RPL29: variants seen among roughly 807,000 people sequenced by gnomAD.
RPL29 encodes ribosomal protein L29, also known as large ribosomal subunit protein eL29.
Under a neutral mutation model 7.2 loss-of-function variants are expected in RPL29, and 4 were observed. The ratio of observed to expected loss-of-function variants is 0.55; its 90% confidence interval spans 0.27 to 1.26. The LOEUF is 1.26. Among genes scored for constraint, RPL29 ranks in the 50% most tolerant of loss-of-function variants. The pLI is 0.11. For missense variants in RPL29, 148 were observed against 209.1 expected, an observed-to-expected ratio of 0.71 and a Z score of 1.80; for synonymous variants, 73 against 72.8, an observed-to-expected ratio of 1.00 and a Z score of -0.01.
intron 3 of RPL29, chr3:51,994,740 C>T (rs1283272635): frequency 2.9e-6 from 2 of 685,624 alleles, no homozygotes; most frequent in Non-Finnish European, 2.7e-6. Context: ...TGGGAATGTG[C>T]CCTGCACGCA....
chr3:51,995,223 G>A (rs990329114), intron 2 of RPL29, 117 bp from the exon 3 acceptor site: 3 of 1,027,862 alleles, frequency 2.9e-6, no homozygotes, highest in East Asian at 2.4e-5. Context: ...CTACACTTGA[G>A]ATATGGGAAA....
At chr3:51,995,678 T>C in intron 1 of RPL29, 179 bp downstream of exon 1, 2 of 590,370 alleles carry the variant, frequency 3.4e-6, no homozygotes, top group African/African-American at 1.9e-5. Flanking sequence ...GAAAGCTGCA[T>C]TCCCCAATAA....
At chr3:51,995,597 G>T in intron 1 of RPL29, 128 bp from the exon 2 acceptor site, 1 of 883,406 alleles carries the variant, frequency 1.1e-6, no homozygotes, top group Non-Finnish European at 1.8e-6. Context: ...GGCTTACTCT[G>T]CACGACCAAA....
At chr3:51,994,451 C>T (rs1016276913) in intron 3 of RPL29, 4 of 359,168 alleles carry the variant, frequency 1.1e-5, no homozygotes, top group African/African-American at 2.2e-5. Flanking sequence ...TCAGGGACAC[C>T]CCCTCCCCTC....
intron 2 of RPL29, 108 bp from the exon 3 acceptor site, chr3:51,995,214 T>C: frequency 9.4e-7 from 1 of 1,064,734 alleles, no homozygotes; most frequent in East Asian, 2.4e-5. Flanking sequence ...CTACAGCAGC[T>C]ACACTTGAGA....
intron 2 of RPL29, 78 bp from the exon 3 acceptor site, chr3:51,995,184 T>C: frequency 7.6e-7 from 1 of 1,319,234 alleles, no homozygotes; most frequent in African/African-American, 1.5e-5. Context: ...AGCTGGCAAG[T>C]CTGGGAGAAC....
chr3:51,994,084 G>C lies in RPL29; in HGVS notation c.145C>G (p.His49Asp), dbSNP rs1701286117. 2 of 1,603,114 alleles carry C rather than the reference G, an allele frequency of 1.2e-6. No homozygotes were observed. The highest frequency in any genetic ancestry group is 2.7e-5 in the African/African-American group (2 of 74,644). ...FLRNMRFAKK[H>D]NKKGLKKMQA... ...ATCTTCTTTAGGCCCTTTTTGTTGT[G>C]CTTCTTGGCAAAGCGCATGTTCCTC... The change falls in exon 4 of 4, where the codon CAC becomes GAC. Residue 49 changes from histidine (H) to aspartate (D), a missense_variant. Coordinates refer to ENST00000294189, the MANE Select transcript of RPL29 (RefSeq NM_000992.3).
Position 51,994,111 on chromosome 3 carries a change from G to A in RPL29, c.118C>T (p.Leu40=). Residue 40 remains leucine, a synonymous_variant, in exon 4 of 4, where the codon CTG becomes TTG. Coordinates refer to ENST00000294189, the MANE Select transcript of RPL29 (RefSeq NM_000992.3). The part of the protein sequence containing the change: ...ESLKGVDPKF[L]RNMRFAKKHN... ...TTCTTGGCAAAGCGCATGTTCCTCA[G>A]GAACTTGGGGTCCACCTGAAAAGCA... is the stretch of plus-strand genomic sequence containing the variant. 6.3e-7 allele frequency: 1 copy of A among 1,596,842 alleles called. No individual in the cohort carries two copies. The highest frequency in any genetic ancestry group is 8.5e-7 in the Non-Finnish European group (1 of 1,171,240).
chr3:51,994,499 CAA>C (rs944470157), intron 3 of RPL29: 2 of 332,094 alleles, frequency 6.0e-6, no homozygotes, highest in Admixed American at 9.1e-5. Context: ...AAGTCTGGTC[CAA>C]AAGACTTATA....
chr3:51,995,533 C>A (rs766509221), intron 1 of RPL29, 64 bp from the exon 2 acceptor site: 85 of 1,501,020 alleles, frequency 5.7e-5, no homozygotes, highest in African/African-American at 1.4e-4. Context: ...CTGCCCCCCC[C>A]ATTCTGGTCA....
intron 1 of RPL29, 94 bp from the exon 2 acceptor site, chr3:51,995,563 G>A: frequency 8.2e-7 from 1 of 1,222,394 alleles, no homozygotes; most frequent in Non-Finnish European, 1.2e-6. Flanking sequence ...TGCAGGCAGA[G>A]AATGTGCAGC....
chr3:51,993,920 C>T lies in RPL29; in HGVS notation c.309G>A (p.Lys103=). The T allele has an allele frequency of 6.3e-7, 1 of 1,596,538 alleles. No homozygotes were observed. Among genetic ancestry groups the T allele is most frequent in the Non-Finnish European group, 8.5e-7 (1 of 1,179,792 alleles). The change falls in exon 4 of 4, where the codon AAG becomes AAA. Residue 103 remains lysine, a synonymous_variant. Coordinates refer to ENST00000294189, the MANE Select transcript of RPL29 (RefSeq NM_000992.3). ...TACGGGCACGAGCACGCTTCCCAAGCTTGGGGTGGGCAATGTAGGCAAGTC... is the reference window on the plus strand; with the variant it reads ...TACGGGCACGAGCACGCTTCCCAAGTTTGGGGTGGGCAATGTAGGCAAGTC... The part of the protein sequence containing the change: ...LDRLAYIAHP[K]LGKRARARIA...
intron 3 of RPL29, chr3:51,994,389 G>T: frequency 2.2e-6 from 1 of 454,244 alleles, no homozygotes; most frequent in Admixed American, 3.9e-5. Context: ...AAGGTTGTGG[G>T]GCTTCAACTT....
chr3:51,993,548 A>G lies in RPL29; in HGVS notation c.*201T>C, dbSNP rs990021657. On this transcript the variant is annotated 3_prime_UTR_variant, in exon 4 of 4. Coordinates refer to ENST00000294189, the MANE Select transcript of RPL29 (RefSeq NM_000992.3). ...TCCTGACTCCCACCCACACCCCACC[A>G]TCCAGACCCATGTCTTCTCCCACAC... is the stretch of plus-strand genomic sequence containing the variant. 1.7e-5 allele frequency: 10 copies of G among 590,448 alleles called. No homozygotes were observed. The highest frequency in any genetic ancestry group is 2.7e-5 in the Non-Finnish European group (9 of 338,290). 36.6% of individuals were successfully genotyped at this position (590,448 alleles called of 1,614,324 possible).
chr3:51,994,265 CTATT>C, intron 3 of RPL29, 139 bp from the exon 4 acceptor site: 1 of 1,158,004 alleles, frequency 8.6e-7, no homozygotes, highest in South Asian at 1.7e-5. Flanking sequence ...CCTCTTGAAA[CTATT>C]TCCAGAGAAA....
rs761936768 is a variant in RPL29 at position 51,993,764 on chromosome 3, T to G, written c.465A>C (p.Thr155=). ...AQAPKRTQAP[T]KASE ...GCAGAGATATCTACTCTGAAGCCTT[T>G]GTAGGGGCCTGGGTACGTTTGGGAG... The change falls in exon 4 of 4, where the codon ACA becomes ACC. Residue 155 remains threonine (T), a synonymous_variant. Coordinates refer to ENST00000294189, the MANE Select transcript of RPL29 (RefSeq NM_000992.3). 6.3e-7 allele frequency: 1 copy of G among 1,593,252 alleles called. No individual in the cohort carries two copies. Among genetic ancestry groups the G allele is most frequent in the African/African-American group, 1.3e-5 (1 of 74,852 alleles).
rs2106852180 is a variant in RPL29, at chr3:51,993,637, A to G, written c.*112T>C. The G allele has an allele frequency of 8.9e-7, 1 of 1,126,722 alleles. No individual in the cohort carries two copies. Among genetic ancestry groups the G allele is most frequent in the Non-Finnish European group, 1.3e-6 (1 of 794,804 alleles). The allele number at this position is 1,126,722 out of a possible 1,614,324, so 69.8% of individuals were successfully genotyped here. On this transcript the variant is annotated 3_prime_UTR_variant, in exon 4 of 4. Coordinates refer to ENST00000294189, the MANE Select transcript of RPL29 (RefSeq NM_000992.3). The stretch of plus-strand genomic sequence containing the variant: ...GACAGAGGCTAACAAATCCTGCCTC[A>G]GGTTTATTTGTACAAATAGCACAGG...
At chr3:51,994,833 C>T (rs959106354) in intron 3 of RPL29, 1 of 714,910 alleles carries the variant, frequency 1.4e-6, no homozygotes, top group East Asian at 2.7e-5. Flanking sequence ...CAGGTTACAC[C>T]CTGACCAGAG....
chr3:51,994,135 C>G lies in RPL29; in HGVS notation c.103-9G>C. The G allele has an allele frequency of 6.3e-7, 1 of 1,587,584 alleles. No individual in the cohort carries two copies. Among genetic ancestry groups the G allele is most frequent in the Non-Finnish European group, 8.6e-7 (1 of 1,166,354 alleles). ...AGGAACTTGGGGTCCACCTGAAAAG[C>G]AGGAAAGGTACAGGTGGCAGCATGT... On this transcript the variant is annotated splice_polypyrimidine_tract_variant and intron_variant, in intron 3 of 3. Transcript: ENST00000294189.
Sources: allele counts gnomAD v4.1 joint callset, GRCh38; gene constraint gnomAD v4.1.1; transcripts MANE v1.5; gene names NCBI Gene and HGNC (gene_info 2026-07-23, HGNC 2026-07-21).